TAFA5: variants seen among roughly 807,000 people sequenced by gnomAD.
The protein encoded by TAFA5 is TAFA chemokine like family member 5.
TAFA5 carries 6 observed loss-of-function variants against 15.3 expected under a neutral mutation model. That is an observed-to-expected ratio of 0.39 (90% CI 0.21 to 0.77). TAFA5 has a LOEUF of 0.77. TAFA5 is among the 30% of genes least tolerant of loss of function. The pLI is 0.41. For missense variants in TAFA5, 161 were observed against 193.1 expected (o/e 0.83, Z 0.98); for synonymous variants, 103 against 80.7 (o/e 1.28, Z -1.48).
chr22:48,519,670 G>A (rs553433979), intron 1 of TAFA5, among the ~76,000 whole-genome samples: 16 of 152,280 alleles, frequency 1.1e-4, no homozygotes, highest in Non-Finnish European at 1.5e-4. Context: ...GGGCGGTGGC[G>A]GGCAAATCGC....
At chr22:48,606,659 C>G (rs559620328) in intron 1 of TAFA5, among the ~76,000 whole-genome samples, 1 of 152,338 alleles carries the variant, frequency 6.6e-6, no homozygotes, top group Non-Finnish European at 1.5e-5. Context: ...AGCGGTTTTG[C>G]TGCTGCTCTC....
intron 1 of TAFA5, among the ~76,000 whole-genome samples, chr22:48,525,430 G>A (rs1921748275): frequency 6.6e-6 from 1 of 152,136 alleles, no homozygotes. Context: ...TCCGATTCCA[G>A]TGCTCATTCT....
intron 2 of TAFA5, among the ~76,000 whole-genome samples, chr22:48,688,983 C>T (rs1164024169): frequency 8.4e-6 from 1 of 119,070 alleles, no homozygotes; most frequent in Non-Finnish European, 1.6e-5. Context: ...CAGAGCAAGA[C>T]TTGTCTCGGA....
chr22:48,750,029 C>T lies in TAFA5; in HGVS notation c.*182C>T, dbSNP rs1027461824. 83 of 638,646 alleles carry T rather than the reference C, an allele frequency of 1.3e-4. 1 individual carries two copies. In the East Asian group the frequency reaches 1.8e-3, roughly 14 times the overall value. 39.6% of individuals were successfully genotyped at this position (638,646 alleles called of 1,614,324 possible). The stretch of plus-strand genomic sequence containing the variant: ...CATCCTGAGCTTCGGTCTGTCCAGC[C>T]GACCCGAGGAGGCCGGACTCAGACA... On this transcript the variant is annotated 3_prime_UTR_variant, in exon 4 of 4. Transcript: ENST00000402357.
intron 1 of TAFA5, among the ~76,000 whole-genome samples, chr22:48,539,629 C>T (rs993305593): frequency 1.3e-5 from 2 of 152,156 alleles, no homozygotes; most frequent in African/African-American, 4.8e-5. Context: ...TGAGCTACAG[C>T]CAGGTCGGTG....
intron 1 of TAFA5, among the ~76,000 whole-genome samples, chr22:48,513,894 C>T (rs1259115390): frequency 2.6e-5 from 4 of 152,182 alleles, no homozygotes; most frequent in Non-Finnish European, 1.5e-5. Context: ...CTGGTGTTCT[C>T]AGCTTGGATG....
At chr22:48,729,830 A>T (rs1929819918) in intron 3 of TAFA5, among the ~76,000 whole-genome samples, 3 of 151,548 alleles carry the variant, frequency 2.0e-5, no homozygotes, top group Admixed American at 2.0e-4. Flanking sequence ...GTCCCAAAAG[A>T]TAAAAAAGTT....
chr22:48,556,545 A>T (rs1454621923), intron 1 of TAFA5, among the ~76,000 whole-genome samples: 2 of 152,174 alleles, frequency 1.3e-5, no homozygotes, highest in African/African-American at 4.8e-5. Flanking sequence ...ATGTTGGAAG[A>T]CCTTTGATTT....
chr22:48,708,999 C>G (rs933767652), intron 3 of TAFA5, among the ~76,000 whole-genome samples: 2 of 152,164 alleles, frequency 1.3e-5, no homozygotes, highest in African/African-American at 4.8e-5. Context: ...CTCTCAGGGT[C>G]GTCTTCTGAG....
intron 1 of TAFA5, among the ~76,000 whole-genome samples, chr22:48,547,629 GTTCTCCA>G (rs944217732): frequency 2.0e-5 from 3 of 152,136 alleles, no homozygotes; most frequent in African/African-American, 7.2e-5. Context: ...CCGGCCCTTG[GTTCTCCA>G]CTTTAGGGAC....
intron 2 of TAFA5, among the ~76,000 whole-genome samples, chr22:48,705,786 T>A: frequency 6.6e-6 from 1 of 152,360 alleles, no homozygotes; most frequent in South Asian, 2.1e-4. Flanking sequence ...TTAGCACACA[T>A]GTGTGCACAC....
chr22:48,544,313 G>A (rs1415694780), intron 1 of TAFA5: 1 of 257,474 alleles, frequency 3.9e-6, no homozygotes, highest in South Asian at 5.1e-5. Context: ...TCCTCCCCCT[G>A]CGTTGTCTGC....
chr22:48,616,993 C>G (rs905969340), intron 1 of TAFA5, among the ~76,000 whole-genome samples: 1 of 152,138 alleles, frequency 6.6e-6, no homozygotes, highest in Admixed American at 6.5e-5. Context: ...GAAACAAAAC[C>G]AGGGCTGGGC....
chr22:48,534,688 A>G (rs946340060), intron 1 of TAFA5, among the ~76,000 whole-genome samples: 1 of 152,140 alleles, frequency 6.6e-6, no homozygotes, highest in Non-Finnish European at 1.5e-5. Context: ...AGGTTGAAGG[A>G]GAGGCTGCGC....
At chr22:48,543,834 G>C (rs537202726) in intron 1 of TAFA5, 26 of 152,472 alleles carry the variant, frequency 1.7e-4, no homozygotes, top group African/African-American at 5.5e-4. Context: ...CGGGGCATCC[G>C]GGCTTCCAAG....
At chr22:48,492,916 G>A (rs568771337) in intron 1 of TAFA5, among the ~76,000 whole-genome samples, 146 of 152,346 alleles carry the variant, frequency 9.6e-4, no homozygotes, top group African/African-American at 3.3e-3. Flanking sequence ...TCCCCTTAGC[G>A]TATTTGGAGT....
intron 1 of TAFA5, among the ~76,000 whole-genome samples, chr22:48,587,257 G>A (rs1287465310): frequency 6.6e-6 from 1 of 152,198 alleles, no homozygotes; most frequent in Admixed American, 6.5e-5. Context: ...CACGAGTTCT[G>A]GAGGGGTCTG....
At chr22:48,563,947 C>T (rs1370830185) in intron 1 of TAFA5, among the ~76,000 whole-genome samples, 2 of 152,210 alleles carry the variant, frequency 1.3e-5, no homozygotes, top group East Asian at 1.9e-4. Context: ...CTGAAACCGA[C>T]GATGCTGTAG....
rs113987843 is a variant in TAFA5, at chr22:48,655,680, C to T, written c.262+8934C>T. On this transcript the variant is annotated intron_variant, in intron 2 of 3. Coordinates refer to ENST00000402357, the MANE Select transcript of TAFA5 (RefSeq NM_001082967.3). ...GAATTTAGGGAACACTTTTAGACCA[C>T]GGCAATTTAGAAATACGTGAATGTT... is the stretch of plus-strand genomic sequence containing the variant. Among the ~76,000 whole-genome samples the T allele has an allele frequency of 8.2e-3, 1,241 of 152,192 alleles. 16 individuals are homozygous for T. The highest frequency in any genetic ancestry group is 0.029 in the African/African-American group (1,191 of 41,502).
Sources: gnomAD v4.1 joint callset for allele counts (sites outside exome capture counted in the v4.1 genomes callset) on GRCh38, gnomAD v4.1.1 for gene constraint, MANE v1.5 for transcripts, NCBI Gene and HGNC (gene_info 2026-07-23, HGNC 2026-07-21) for gene names.